The following LRFN5 variants were observed in gnomAD, a reference collection of about 807,000 sequenced individuals.
The protein encoded by LRFN5 is leucine-rich repeat and fibronectin type-III domain-containing protein 5.
In LRFN5, 24 loss-of-function variants were observed where a neutral mutation model predicts 45.6. That is an observed-to-expected ratio of 0.53 (90% CI 0.38 to 0.74). The LOEUF (loss-of-function observed/expected upper bound fraction) is 0.74, where lower values mean the gene tolerates loss of function less well. Ranked by LOEUF, LRFN5 falls within the 30% of genes least tolerant of loss-of-function variation. The pLI, the probability that LRFN5 is intolerant of heterozygous loss-of-function variation, is 0.00. For synonymous variants in LRFN5, 340 were observed against 313.8 expected, an observed-to-expected ratio of 1.08 and a Z score of -0.88; for missense variants, 776 against 861.5, an observed-to-expected ratio of 0.90 and a Z score of 1.24.
intron 2 of LRFN5, among the ~76,000 whole-genome samples, chr14:41,780,050 C>A (rs1195460946): frequency 6.6e-6 from 1 of 151,750 alleles, no homozygotes; most frequent in Non-Finnish European, 1.5e-5. Context: ...GAATTTATAT[C>A]TTTTTTTCTA....
intron 2 of LRFN5, among the ~76,000 whole-genome samples, chr14:41,775,053 G>C (rs1408165022): frequency 6.7e-6 from 1 of 150,362 alleles, no homozygotes; most frequent in Non-Finnish European, 1.5e-5. Flanking sequence ...CATTAGATTT[G>C]ACAATTGAGG....
rs549278887 is a variant in LRFN5, at chr14:41,666,705, A to G, written c.-197+58143A>G. On this transcript the variant is annotated intron_variant, in intron 1 of 5. Transcript: ENST00000298119. ...AACTAACAGAAATAAAAAGGCCAAG[A>G]TAAAGTCTTGTTCCTGTTAAATTTT... 1.8e-4 allele frequency among the ~76,000 whole-genome samples: 27 copies of G among 152,282 alleles called. 1 individual carries two copies. In the East Asian group the frequency reaches 4.6e-3, roughly 26 times the overall value.
At chr14:41,834,883 G>A (rs1888608025) in intron 2 of LRFN5, among the ~76,000 whole-genome samples, 1 of 151,752 alleles carries the variant, frequency 6.6e-6, no homozygotes, top group South Asian at 2.1e-4. Flanking sequence ...GGCTGCTCTT[G>A]CACTTCTGCG....
chr14:41,660,865 A>G (rs542701194), intron 1 of LRFN5, among the ~76,000 whole-genome samples: 4 of 151,312 alleles, frequency 2.6e-5, no homozygotes, highest in African/African-American at 9.7e-5. Flanking sequence ...TTTAGAATGC[A>G]TAGTTAAATA....
intron 2 of LRFN5, among the ~76,000 whole-genome samples, chr14:41,830,716 C>T (rs1382044368): frequency 2.6e-4 from 39 of 152,046 alleles, no homozygotes; most frequent in Admixed American, 2.6e-3. Context: ...GCTGACTTGC[C>T]AGAGGGGAAC....
intron 2 of LRFN5, among the ~76,000 whole-genome samples, chr14:41,776,553 A>G (rs1347136895): frequency 6.6e-6 from 1 of 152,114 alleles, no homozygotes; most frequent in East Asian, 1.9e-4. Flanking sequence ...CTTTTGTGAA[A>G]CATTTTTATA....
At chr14:41,785,800 AG>A (rs1886698106) in intron 2 of LRFN5, among the ~76,000 whole-genome samples, 1 of 152,186 alleles carries the variant, frequency 6.6e-6, no homozygotes, top group South Asian at 2.1e-4. Context: ...TTTGTATAAA[AG>A]GCATGCAGCC....
intron 1 of LRFN5, among the ~76,000 whole-genome samples, chr14:41,749,357 A>C (rs1885040768): frequency 6.6e-6 from 1 of 152,202 alleles, no homozygotes; most frequent in Non-Finnish European, 1.5e-5. Context: ...ATAAAGCAAG[A>C]ACTGAGTGCA....
At chr14:41,867,028 A>T (rs1889863974) in intron 2 of LRFN5, among the ~76,000 whole-genome samples, 2 of 152,152 alleles carry the variant, frequency 1.3e-5, no homozygotes, top group Non-Finnish European at 2.9e-5. Flanking sequence ...ATCACGAAGA[A>T]CTGTCTTCCA....
At chr14:41,810,120 T>C (rs1887686056) in intron 2 of LRFN5, among the ~76,000 whole-genome samples, 2 of 152,102 alleles carry the variant, frequency 1.3e-5, no homozygotes, top group South Asian at 4.1e-4. Flanking sequence ...TTGATTGAGA[T>C]TTATGACATA....
intron 5 of LRFN5, among the ~76,000 whole-genome samples, chr14:41,900,925 A>G (rs992779515): frequency 6.6e-6 from 1 of 151,850 alleles, no homozygotes; most frequent in East Asian, 1.9e-4. Context: ...TGTGATTGCA[A>G]CTCTTCAGCT....
chr14:41,611,484 G>A (rs1887753768), intron 1 of LRFN5, among the ~76,000 whole-genome samples: 3 of 152,148 alleles, frequency 2.0e-5, no homozygotes, highest in Admixed American at 2.0e-4. Context: ...AAATTTCCCA[G>A]CCAAAAGCCT....
intron 1 of LRFN5, among the ~76,000 whole-genome samples, chr14:41,646,606 A>G (rs552753419): frequency 6.6e-6 from 1 of 152,302 alleles, no homozygotes; most frequent in South Asian, 2.1e-4. Flanking sequence ...CTTTCTATTA[A>G]TTATGCCCTG....
chr14:41,838,608 A>G (rs1366635297), intron 2 of LRFN5, among the ~76,000 whole-genome samples: 2 of 152,146 alleles, frequency 1.3e-5, no homozygotes, highest in African/African-American at 4.8e-5. Flanking sequence ...TTTGAAAGAA[A>G]CTCAGATGGG....
At chr14:41,817,005 T>G (rs1390444700) in intron 2 of LRFN5, among the ~76,000 whole-genome samples, 2 of 151,118 alleles carry the variant, frequency 1.3e-5, no homozygotes, top group Non-Finnish European at 1.5e-5. Flanking sequence ...GAAGTTTTTT[T>G]TTTTTTTTTT....
chr14:41,900,051 C>G (rs1463374825), intron 5 of LRFN5, among the ~76,000 whole-genome samples: 1 of 152,002 alleles, frequency 6.6e-6, no homozygotes. Flanking sequence ...TCTCTCTCTA[C>G]CCATCACTCT....
chr14:41,877,510 AATG>A (rs1289912538), intron 2 of LRFN5, among the ~76,000 whole-genome samples: 2 of 152,050 alleles, frequency 1.3e-5, no homozygotes, highest in Admixed American at 1.3e-4. Flanking sequence ...ATCTTCAATA[AATG>A]ATAATTATTA....
chr14:41,661,685 A>G (rs564821481), intron 1 of LRFN5, among the ~76,000 whole-genome samples: 20 of 152,126 alleles, frequency 1.3e-4, no homozygotes, highest in African/African-American at 4.6e-4. Flanking sequence ...TGGAGCACAG[A>G]GAGAGGAGCC....
intron 2 of LRFN5, among the ~76,000 whole-genome samples, chr14:41,838,437 A>C (rs1277860238): frequency 6.6e-6 from 1 of 152,158 alleles, no homozygotes; most frequent in Admixed American, 6.5e-5. Context: ...CTTCTGCAGT[A>C]TCTGCCCGCA....
Sources: allele counts gnomAD v4.1 joint callset (sites outside exome capture counted in the v4.1 genomes callset), GRCh38; gene constraint gnomAD v4.1.1; transcripts MANE v1.5; gene names NCBI Gene and HGNC (gene_info 2026-07-23, HGNC 2026-07-21).